The following NUP93 variants were observed in gnomAD, a reference collection of about 807,000 sequenced individuals.
The protein encoded by NUP93 is nuclear pore complex protein Nup93.
In NUP93, 55 loss-of-function variants were observed where a neutral mutation model predicts 107.8. The observed-to-expected ratio is 0.51, with a 90% CI of 0.41 to 0.64. The LOEUF is 0.64. Ranked by LOEUF, NUP93 falls within the 30% of genes least tolerant of loss-of-function variation. The probability of loss-of-function intolerance (pLI) is 0.00; values close to 1 mark genes in which losing one functional copy is unlikely to be tolerated. For synonymous variants in NUP93, 390 were observed against 397.5 expected (o/e 0.98, Z 0.22); for missense variants, 937 against 1,044.7 (o/e 0.90, Z 1.42).
chr16:56,735,615 C>T (rs770868454), intron 1 of NUP93, among the ~76,000 whole-genome samples: 60 of 152,080 alleles, frequency 3.9e-4, no homozygotes, highest in Non-Finnish European at 5.4e-4. Flanking sequence ...GAGGCCAAGG[C>T]GAGCGGATCA....
chr16:56,762,067 G>C (rs1196374263), intron 3 of NUP93, among the ~76,000 whole-genome samples: 1 of 152,094 alleles, frequency 6.6e-6, no homozygotes, highest in African/African-American at 2.4e-5. Flanking sequence ...GTGATAACAG[G>C]ACATACTACT....
Position 56,834,099 on chromosome 16 carries a change from T to C in NUP93, c.1538-29T>C, listed in dbSNP as rs759771540. 4 of 1,613,524 alleles carry C rather than the reference T, an allele frequency of 2.5e-6. No homozygotes were observed. In the South Asian group the frequency reaches 4.4e-5, roughly 18 times the overall value. On this transcript the variant is annotated intron_variant, in intron 13 of 21. Coordinates refer to ENST00000308159, the MANE Select transcript of NUP93 (RefSeq NM_014669.5). ...GCATGGGTCAGAGGGGCAGTGTGGT[T>C]GTGACCCATTCTGACCCCCACAATG...
At chr16:56,834,050 T>C in intron 13 of NUP93, 78 bp from the exon 14 acceptor site, 1 of 1,588,852 alleles carries the variant, frequency 6.3e-7, no homozygotes, top group Non-Finnish European at 8.6e-7. Context: ...GGTCTGTGGA[T>C]TCAGCTTCCA....
rs765510634 is a variant in NUP93, at chr16:56,837,625, G to A, written c.1917G>A (p.Leu639=). The A allele has an allele frequency of 6.2e-6, 10 of 1,613,828 alleles. No individual in the cohort carries two copies. In the South Asian group the frequency reaches 6.6e-5, roughly 11 times the overall value. The change falls in exon 18 of 22, where the codon CTG becomes CTA. Residue 639 remains leucine, a synonymous_variant. Transcript: ENST00000308159. ...TTGAGCAGAATGCTGACAAGGTACTGGAGCTGATGAACAAACTGCTGAGCC... is the reference window on the plus strand; with the variant it reads ...TTGAGCAGAATGCTGACAAGGTACTAGAGCTGATGAACAAACTGCTGAGCC... ...YDLAKNADKV[L]ELMNKLLSPV...
chr16:56,792,781 A>G (rs377287247), intron 3 of NUP93, among the ~76,000 whole-genome samples: 2 of 152,342 alleles, frequency 1.3e-5, no homozygotes, highest in African/African-American at 4.8e-5. Context: ...ATGAAAACAA[A>G]TTTAAGGAAA....
chr16:56,794,927 CAAAAAAAAAAAAAAAAAAAA>C (rs747651772), intron 3 of NUP93, among the ~76,000 whole-genome samples: 1 of 71,912 alleles, frequency 1.4e-5, no homozygotes, highest in South Asian at 5.9e-4. Context: ...GACTCTGTCT[CAAAAAAAAAAAAAAAAAAAA>C]AAAAAAAAAA....
In NUP93 at chr16:56,837,714, C is replaced by G; in HGVS notation, c.2006C>G (p.Ser669Cys). 1 of 1,613,574 alleles carries G rather than the reference C, an allele frequency of 6.2e-7. No individual in the cohort carries two copies. Among genetic ancestry groups the G allele is most frequent in the Non-Finnish European group, 8.5e-7 (1 of 1,179,598 alleles). Reference sequence around the variant, plus strand: ...GAGAGGCTGAAGAACATGGCACTCTCCATTGCCGAACGGTAAGCCAGGAGC... The same window carrying G: ...GAGAGGCTGAAGAACATGGCACTCTGCATTGCCGAACGGTAAGCCAGGAGC... Reference protein sequence around the residue: ...NKERLKNMALSIAERYRAQGI... With the variant: ...NKERLKNMALCIAERYRAQGI... The change falls in exon 18 of 22, where the codon TCC (serine) becomes TGC (cysteine). Residue 669 changes from serine (S) to cysteine (C), a missense_variant. Coordinates refer to ENST00000308159, the MANE Select transcript of NUP93 (RefSeq NM_014669.5).
At chr16:56,840,134 C>CCT (rs1326396207) in intron 20 of NUP93, among the ~76,000 whole-genome samples, 3 of 152,186 alleles carry the variant, frequency 2.0e-5, no homozygotes, top group African/African-American at 7.2e-5. Flanking sequence ...CATTCTCCTG[C>CCT]CTCAGCCTCA....
intron 2 of NUP93, among the ~76,000 whole-genome samples, chr16:56,757,850 G>T (rs2144480748): frequency 6.6e-6 from 1 of 152,296 alleles, no homozygotes; most frequent in South Asian, 2.1e-4. Flanking sequence ...CTTAGCTCAT[G>T]AATGACGTTT....
intron 1 of NUP93, among the ~76,000 whole-genome samples, chr16:56,742,950 C>T (rs1303287585): frequency 6.6e-6 from 1 of 152,086 alleles, no homozygotes; most frequent in Non-Finnish European, 1.5e-5. Context: ...TATCAGAAAA[C>T]AGATATGTGG....
intron 2 of NUP93, among the ~76,000 whole-genome samples, chr16:56,757,589 C>G (rs1347561226): frequency 6.6e-6 from 1 of 152,140 alleles, no homozygotes; most frequent in African/African-American, 2.4e-5. Context: ...CTTTAAAAAA[C>G]TACCCTTGCA....
chr16:56,803,903 C>G (rs1963076442), intron 4 of NUP93, among the ~76,000 whole-genome samples: 1 of 152,074 alleles, frequency 6.6e-6, no homozygotes, highest in Non-Finnish European at 1.5e-5. Flanking sequence ...AGGCACACAC[C>G]ACCACACCCA....
At chr16:56,821,435 T>A in intron 6 of NUP93, 69 bp from the exon 7 acceptor site, 1 of 1,114,520 alleles carries the variant, frequency 9.0e-7, no homozygotes, top group Non-Finnish European at 1.3e-6. Flanking sequence ...GGCCATTGCC[T>A]GCTTCAGGAG....
intron 1 of NUP93, among the ~76,000 whole-genome samples, chr16:56,739,112 C>G (rs1961660156): frequency 1.4e-5 from 2 of 144,748 alleles, no homozygotes; most frequent in Non-Finnish European, 3.0e-5. Flanking sequence ...CCCATGTCTA[C>G]TTCTTTCTAC....
At position 56,805,563 on chromosome 16, in the gene NUP93, G is replaced by C. The variant is rs746805088; in HGVS notation, c.420G>C (p.Val140=). ...RESMLVEWEQ[V]KQRILHTLLA... ...CAATGTTGGTTGAGTGGGAGCAAGT[G>C]AAACAGCGAATTCTGCACACACTGC... The change falls in exon 5 of 22, where the codon GTG becomes GTC. Residue 140 remains valine (V), a synonymous_variant. Coordinates refer to ENST00000308159, the MANE Select transcript of NUP93 (RefSeq NM_014669.5). 1 of 1,614,094 alleles carries C rather than the reference G, an allele frequency of 6.2e-7. No individual in the cohort carries two copies. Among genetic ancestry groups the C allele is most frequent in the Admixed American group, 1.7e-5 (1 of 60,020 alleles).
intron 2 of NUP93, among the ~76,000 whole-genome samples, chr16:56,756,735 T>C (rs1257437388): frequency 6.6e-6 from 1 of 152,222 alleles, no homozygotes; most frequent in Non-Finnish European, 1.5e-5. Context: ...TCCACAGTGG[T>C]TGAATTAATT....
chr16:56,841,952 C>G, intron 21 of NUP93, 119 bp downstream of exon 21: 2 of 1,207,894 alleles, frequency 1.7e-6, no homozygotes, highest in Non-Finnish European at 1.1e-6. Flanking sequence ...TACCTGGCAG[C>G]TGGATAAATC....
intron 3 of NUP93, chr16:56,782,103 A>G: frequency 1.0e-6 from 1 of 985,332 alleles, no homozygotes; most frequent in Non-Finnish European, 1.2e-6. Flanking sequence ...TGGGGTGGGA[A>G]AAACTTGAGC....
intron 3 of NUP93, among the ~76,000 whole-genome samples, chr16:56,775,916 A>G (rs906647222): frequency 1.3e-5 from 2 of 152,204 alleles, no homozygotes; most frequent in Non-Finnish European, 1.5e-5. Flanking sequence ...ATGTAGGACC[A>G]GTAACCCACA....
Sources: gnomAD v4.1 joint callset for allele counts (sites outside exome capture counted in the v4.1 genomes callset) on GRCh38, gnomAD v4.1.1 for gene constraint, MANE v1.5 for transcripts, NCBI Gene and HGNC (gene_info 2026-07-23, HGNC 2026-07-21) for gene names.